RECQL5: variants seen among roughly 807,000 people sequenced by gnomAD.
RECQL5 encodes the protein ATP-dependent DNA helicase Q5.
In RECQL5, 88 loss-of-function variants were observed where a neutral mutation model predicts 103.4. The ratio of observed to expected loss-of-function variants is 0.85; its 90% CI spans 0.72 to 1.02. RECQL5 has a LOEUF of 1.02. RECQL5 is among the 50% of genes least tolerant of loss of function. The pLI is 0.00. For synonymous variants in RECQL5, 552 were observed against 507.9 expected, an observed-to-expected ratio of 1.09 and a Z score of -1.17; for missense variants, 1,232 against 1,284.3, an observed-to-expected ratio of 0.96 and a Z score of 0.62.
Position 75,664,591 on chromosome 17 carries a change from T to C in RECQL5, c.252+460A>G, listed in dbSNP as rs569891172. On this transcript the variant is annotated intron_variant, in intron 3 of 19. Transcript: ENST00000317905. The stretch of plus-strand genomic sequence containing the variant: ...ATTGGGGAAATACAGAAACCCAATA[T>C]AGCGAATGAGATAGGCAAATCATAG... 2.0e-5 allele frequency among the ~76,000 whole-genome samples: 3 copies of C among 152,194 alleles called. No homozygotes were observed. In the South Asian group the frequency reaches 6.2e-4, roughly 32 times the overall value.
chr17:75,631,396 AG>A, intron 9 of RECQL5, 53 bp downstream of exon 9: 1 of 1,578,678 alleles, frequency 6.3e-7, no homozygotes. Context: ...CCTGGCGCCA[AG>A]GGAATGCCAG....
intron 7 of RECQL5, among the ~76,000 whole-genome samples, chr17:75,656,572 T>C (rs2059623204): frequency 6.6e-6 from 1 of 152,146 alleles, no homozygotes; most frequent in Non-Finnish European, 1.5e-5. Context: ...TACTGATCTT[T>C]AAACTATTTC....
At chr17:75,633,683 G>C (rs2059264170) in intron 8 of RECQL5, 3 of 1,154,358 alleles carry the variant, frequency 2.6e-6, no homozygotes, top group South Asian at 1.7e-5. Context: ...GGAGTGGCCA[G>C]AGGGACAGAA....
chr17:75,640,448 A>C lies in RECQL5; in HGVS notation c.1230-8780T>G. 1 of 1,412,124 alleles carries C rather than the reference A, an allele frequency of 7.1e-7. No homozygotes were observed. The allele number at this position is 1,412,124 out of a possible 1,614,324, so 87.5% of individuals were successfully genotyped here. A position where few individuals can be genotyped will look rare whatever the true frequency, so the allele number is the denominator to read the frequency against. On this transcript the variant is annotated intron_variant, in intron 8 of 19. Coordinates refer to ENST00000317905, the MANE Select transcript of RECQL5 (RefSeq NM_004259.7). This position sits in a 1 kb window ranked among gnomAD's most constrained non-coding sequence, Gnocchi z 4.6. ...GTCTGCCGGATCAAGGAGGAAAACCAGTTGTCCCTTGGGGGAAGCCAAGGG... is the reference window on the plus strand; with the variant it reads ...GTCTGCCGGATCAAGGAGGAAAACCCGTTGTCCCTTGGGGGAAGCCAAGGG...
At position 75,629,671 on chromosome 17, in the gene RECQL5, T is replaced by TGGTC. The variant is rs775843861; in HGVS notation, c.1947+33_1947+36dup. The TGGTC allele has an allele frequency of 5.1e-6, 8 of 1,571,688 alleles. 1 individual carries two copies. In the South Asian group the frequency reaches 9.2e-5, roughly 18 times the overall value. On this transcript the variant is annotated intron_variant, in intron 15 of 19. Transcript: ENST00000317905. ...GGCAGAGGGGAAGTGAAGCCTTTCC[T>TGGTC]GGTCACAGGTCTGGAGGCCACTGGG...
In RECQL5 at chr17:75,647,417, C is replaced by G. The variant is rs528439456; in HGVS notation, c.1229+3769G>C. On this transcript the variant is annotated intron_variant, in intron 8 of 19. Transcript: ENST00000317905. ...TTCAAAGAGACAATCTGGAATGATG[C>G]GTTCTGGCAGAACCCCTGGGACCAG... 3.9e-6 allele frequency: 6 copies of G among 1,549,836 alleles called. No homozygotes were observed. The South Asian group carries it at 7.1e-5, about 18-fold the overall frequency.
chr17:75,631,239 C>T lies in RECQL5; in HGVS notation c.1459G>A (p.Gly487Ser), dbSNP rs199924706. The change falls in exon 10 of 20, where the codon GGT becomes AGT. Residue 487 changes from glycine (G) to serine (S), a missense_variant. Physicochemically the swap from Gly to Ser is moderately conservative, Grantham distance 56. Coordinates refer to ENST00000317905, the MANE Select transcript of RECQL5 (RefSeq NM_004259.7). ...GYGDFSRYDE[G>S]SGGSGDEGRD... ...CCTTCATCCCCGCTGCCTCCAGAAC[C>T]TTCGTCATACCTAGGGACAGGCCAG... 1,331 of 1,613,870 alleles carry T rather than the reference C, an allele frequency of 8.2e-4. 2 individuals carry two copies. Among genetic ancestry groups the T allele is most frequent in the Non-Finnish European group, 9.5e-4 (1,119 of 1,180,020 alleles).
At chr17:75,651,448 C>A (rs2059554892) in intron 7 of RECQL5, among the ~76,000 whole-genome samples, 183 bp from the exon 8 acceptor site, 1 of 151,892 alleles carries the variant, frequency 6.6e-6, no homozygotes, top group African/African-American at 2.4e-5. Context: ...ATGGTGAAAC[C>A]CTGTCTCTAC....
rs780872873 is a variant in RECQL5, at chr17:75,627,471, C to A, written c.2927G>T (p.Arg976Leu). 1.2e-6 allele frequency: 2 copies of A among 1,613,760 alleles called. No individual in the cohort carries two copies. Among genetic ancestry groups the A allele is most frequent in the Non-Finnish European group, 8.5e-7 (1 of 1,180,026 alleles). The stretch of plus-strand genomic sequence containing the variant: ...ATGCCAGTCAGCTTCGCTCTCGCAC[C>A]GGGCCCGGCCATGGAAGAAGTGCCT... The part of the protein sequence containing the change: ...LIRHFFHGRA[R>L]CESEADWHGL... Residue 976 changes from arginine to leucine, a missense_variant, in exon 20 of 20, where the codon CGG becomes CTG. Transcript: ENST00000317905.
At chr17:75,635,137 C>G (rs1275410976) in intron 8 of RECQL5, among the ~76,000 whole-genome samples, 3 of 152,196 alleles carry the variant, frequency 2.0e-5, no homozygotes, top group African/African-American at 7.2e-5. Context: ...AAAACAATGA[C>G]CCAGGGAAAT....
rs960150521 is a variant in RECQL5, at chr17:75,629,897, C to T, written c.1813-55G>A. Reference sequence around the variant, plus strand: ...CACCCGCCAGCTCCTCCTGACATGCCCCACCTAGCCCTCCTTTTCTACTAG... The same window carrying T: ...CACCCGCCAGCTCCTCCTGACATGCTCCACCTAGCCCTCCTTTTCTACTAG... On this transcript the variant is annotated intron_variant, in intron 14 of 19. Transcript: ENST00000317905. The T allele has an allele frequency of 2.3e-5, 35 of 1,542,190 alleles. No homozygotes were observed. In the South Asian group the frequency reaches 2.9e-4, roughly 13 times the overall value.
chr17:75,629,288 G>A lies in RECQL5; in HGVS notation c.2135C>T (p.Pro712Leu). Reference sequence around the variant, plus strand: ...GCTGCCTCCAGGGACCTCCCCTCTGGGCCCAGGGAGGGGCTCACTCCCATC... The same window carrying A: ...GCTGCCTCCAGGGACCTCCCCTCTGAGCCCAGGGAGGGGCTCACTCCCATC... ...DEDGSEPLPG[P>L]RGEVPGGSAH... Residue 712 changes from proline (P) to leucine (L), a missense_variant, in exon 16 of 20, where the codon CCC becomes CTC. Coordinates refer to ENST00000317905, the MANE Select transcript of RECQL5 (RefSeq NM_004259.7). The A allele has an allele frequency of 1.3e-6, 2 of 1,592,216 alleles. No individual in the cohort carries two copies. Among genetic ancestry groups the A allele is most frequent in the South Asian group, 2.2e-5 (2 of 89,086 alleles).
chr17:75,659,132 G>A (rs964275265), intron 6 of RECQL5, among the ~76,000 whole-genome samples: 1 of 152,062 alleles, frequency 6.6e-6, no homozygotes, highest in Non-Finnish European at 1.5e-5. Context: ...AGTGATCTCA[G>A]CTCACTGCAA....
intron 8 of RECQL5, chr17:75,649,518 C>G (rs1450612502): frequency 4.8e-5 from 25 of 524,150 alleles, no homozygotes; most frequent in Non-Finnish European, 5.6e-5. Flanking sequence ...GCTGAGCCCA[C>G]CCCACTAGCT....
Position 75,627,040 on chromosome 17 carries a change from T to C in RECQL5, c.*382A>G, listed in dbSNP as rs1448391426. The C allele has an allele frequency of 2.5e-6, 1 of 400,806 alleles. No individual in the cohort carries two copies. Among genetic ancestry groups the C allele is most frequent in the African/African-American group, 2.1e-5 (1 of 48,700 alleles). The allele number at this position is 400,806 out of a possible 1,614,324, so 24.8% of individuals were successfully genotyped here. A position where few individuals can be genotyped will look rare whatever the true frequency, so the allele number is the denominator to read the frequency against. On this transcript the variant is annotated 3_prime_UTR_variant, in exon 20 of 20. Transcript: ENST00000317905. ...TGGATGGGGGAGTGGGTGGAGGATC[T>C]GAGGGTCCCCTGGGTAGGTTCCGAT...
intron 8 of RECQL5, among the ~76,000 whole-genome samples, chr17:75,632,024 C>T (rs1302195955): frequency 6.6e-6 from 1 of 152,218 alleles, no homozygotes; most frequent in African/African-American, 2.4e-5. Flanking sequence ...GGGTGACACA[C>T]TTCACCTCCT....
Position 75,627,470 on chromosome 17 carries a change from C to G in RECQL5, c.2928G>C (p.Arg976=). 2 of 1,613,792 alleles carry G rather than the reference C, an allele frequency of 1.2e-6. No homozygotes were observed. The highest frequency in any genetic ancestry group is 2.2e-5 in the South Asian group (2 of 91,088). ...LIRHFFHGRA[R]CESEADWHGL... ...CATGCCAGTCAGCTTCGCTCTCGCACCGGGCCCGGCCATGGAAGAAGTGCC... is the reference window on the plus strand; with the variant it reads ...CATGCCAGTCAGCTTCGCTCTCGCAGCGGGCCCGGCCATGGAAGAAGTGCC... The change falls in exon 20 of 20, where the codon CGG becomes CGC. Residue 976 remains arginine, a synonymous_variant. Transcript: ENST00000317905.
intron 15 of RECQL5, 82 bp downstream of exon 15, chr17:75,629,626 G>A (rs2059168879): frequency 1.3e-6 from 2 of 1,518,296 alleles, no homozygotes; most frequent in African/African-American, 2.8e-5. Context: ...CCAGGCCTTG[G>A]CAAGAGGTGC....
intron 8 of RECQL5, among the ~76,000 whole-genome samples, chr17:75,635,250 C>T (rs150113359): frequency 4.8e-4 from 73 of 152,292 alleles, no homozygotes; most frequent in African/African-American, 1.7e-3. Flanking sequence ...TGTTGGGAGG[C>T]GCACAGTAGG....
Sources: allele counts gnomAD v4.1 joint callset (sites outside exome capture counted in the v4.1 genomes callset), GRCh38; gene constraint gnomAD v4.1.1; non-coding constraint Gnocchi (gnomAD v3.1); transcripts MANE v1.5; gene names NCBI Gene and HGNC (gene_info 2026-07-23, HGNC 2026-07-21).